The following NAV3 variants were observed in gnomAD, a reference collection of about 807,000 sequenced individuals.
NAV3 encodes pore membrane and/or filament interacting like protein 1.
In NAV3, 87 loss-of-function variants were observed where a neutral mutation model predicts 244.7. That is an observed-to-expected ratio of 0.36 (90% CI 0.30 to 0.42). NAV3 has a LOEUF of 0.42. Among genes scored for constraint, NAV3 ranks in the 20% least tolerant of loss-of-function variants. The pLI, the probability that NAV3 is intolerant of heterozygous loss-of-function variation, is 1.00. For missense variants in NAV3, 2,663 were observed against 2,893.3 expected (o/e 0.92, Z 1.83); for synonymous variants, 1,126 against 1,042.2 (o/e 1.08, Z -1.55).
chr12:77,829,902 C>T (rs111645611), upstream of NAV3, among the ~76,000 whole-genome samples: 198 of 152,218 alleles, frequency 1.3e-3, 1 homozygote, highest in African/African-American at 4.6e-3. Flanking sequence ...AAAATGGTTA[C>T]GATTTAATAA....
chr12:78,052,541 G>A (rs11108030), intron 11 of NAV3, among the ~76,000 whole-genome samples: 4,724 of 152,116 alleles, frequency 0.031, 241 homozygotes, highest in African/African-American at 0.1. Context: ...TTTAGTTTGC[G>A]CAATGCTTGG....
chr12:78,095,633 G>C (rs1954210725), intron 12 of NAV3, among the ~76,000 whole-genome samples: 1 of 152,180 alleles, frequency 6.6e-6, no homozygotes, highest in Non-Finnish European at 1.5e-5. Context: ...TACTCTACTG[G>C]GAAATGGTGA....
intron 2 of NAV3, among the ~76,000 whole-genome samples, chr12:77,816,317 G>T (rs1042602984): frequency 6.6e-6 from 1 of 152,140 alleles, no homozygotes; most frequent in Admixed American, 6.6e-5. Flanking sequence ...AGCAGAAGGT[G>T]CATTTTTAGA....
intron 2 of NAV3, among the ~76,000 whole-genome samples, chr12:77,778,436 C>T (rs1035825605): frequency 6.6e-6 from 1 of 151,316 alleles, no homozygotes; most frequent in Admixed American, 6.6e-5. Flanking sequence ...CACGGTGAAA[C>T]CCCGTCTCTA....
Position 77,940,326 on chromosome 12 carries a change from C to T in NAV3, c.251C>T (p.Thr84Ile), listed in dbSNP as rs2137467151. The T allele has an allele frequency of 6.2e-7, 1 of 1,613,178 alleles. No homozygotes were observed. Among genetic ancestry groups the T allele is most frequent in the Non-Finnish European group, 8.5e-7 (1 of 1,179,494 alleles). Residue 84 changes from threonine (T) to isoleucine (I), a missense_variant, in exon 2 of 40, where the codon ACT becomes ATT. Physicochemically the swap from Thr to Ile is moderately conservative, Grantham distance 89 (BLOSUM62 -1). Transcript: ENST00000397909. ...CTTCTCTCTGTTCAACAGATTTACA[C>T]TGACTGGGCCAACCACTACCTAGCA... Reference protein sequence around the residue: ...AKEKEDSKIYTDWANHYLAKS... With the variant: ...AKEKEDSKIYIDWANHYLAKS...
In NAV3 at chr12:77,831,149, A is replaced by AACAGAGAGAGAGAGAGAG. The variant is rs1272726094; in HGVS notation, c.-293_-276dup. On this transcript the variant is annotated 5_prime_UTR_variant, in exon 1 of 40. Coordinates refer to ENST00000397909, the MANE Select transcript of NAV3 (RefSeq NM_001024383.2). ...GTATTACTTAGATACTGAGTCACTG[A>AACAGAGAGAGAGAGAGAG]ACAGAGAGAGAGAGAGAGACAGAGA... 433 of 166,824 alleles carry AACAGAGAGAGAGAGAGAG rather than the reference A, an allele frequency of 2.6e-3. 1 individual carries two copies. Among genetic ancestry groups the AACAGAGAGAGAGAGAGAG allele is most frequent in the East Asian group, 5.3e-3 (30 of 5,714 alleles). 10.3% of individuals were successfully genotyped at this position (166,824 alleles called of 1,614,324 possible). A position where few individuals can be genotyped will look rare whatever the true frequency, so the allele number is the denominator to read the frequency against.
At chr12:77,961,375 TATTAATATAAA>T (rs1891960432) in intron 3 of NAV3, among the ~76,000 whole-genome samples, 2 of 137,632 alleles carry the variant, frequency 1.5e-5, no homozygotes, top group Non-Finnish European at 1.5e-5. Flanking sequence ...ATAATAAATA[TATTAATATAAA>T]TACATTATAT....
intron 2 of NAV3, among the ~76,000 whole-genome samples, chr12:77,576,237 T>C (rs1222710274): frequency 2.0e-5 from 3 of 152,110 alleles, no homozygotes; most frequent in Admixed American, 1.3e-4. Flanking sequence ...TTGATAGGAA[T>C]AATACTGATA....
intron 5 of NAV3, among the ~76,000 whole-genome samples, chr12:77,979,224 C>A (rs1384538133): frequency 9.5e-5 from 12 of 125,990 alleles, no homozygotes; most frequent in Admixed American, 1.6e-4. Context: ...AAATACAATA[C>A]AAAAAAAAAA....
intron 2 of NAV3, among the ~76,000 whole-genome samples, chr12:77,667,639 C>G (rs1006285077): frequency 1.3e-5 from 2 of 152,086 alleles, no homozygotes; most frequent in East Asian, 3.9e-4. Flanking sequence ...CATACCCATC[C>G]CTGCCCCAAC....
At position 77,576,279 on chromosome 12, in the gene NAV3, A is replaced by AT. The variant is rs370726175; in HGVS notation, c.72+4023dup. Among the ~76,000 whole-genome samples, 418 of 149,978 alleles carry AT rather than the reference A, an allele frequency of 2.8e-3. 4 individuals are homozygous for AT. Among genetic ancestry groups the AT allele is most frequent in the African/African-American group, 7.8e-3 (318 of 41,016 alleles). Reference sequence around the variant, plus strand: ...AAGCCTATTATTTTAGGCTCCTGTGATTTTTTTTTTGGACTGAAAATCAAG... The same window carrying AT: ...AAGCCTATTATTTTAGGCTCCTGTGATTTTTTTTTTTGGACTGAAAATCAAG... On this transcript the variant is annotated intron_variant, in intron 2 of 8. Transcript: ENST00000550042.
chr12:78,168,721 G>T (rs754649808), intron 23 of NAV3, 34 bp from the exon 24 acceptor site: 4 of 1,402,244 alleles, frequency 2.9e-6, no homozygotes, highest in African/African-American at 2.9e-5. Context: ...TTTCTTTCGG[G>T]TACTAAAGCT....
intron 17 of NAV3, 42 bp from the exon 18 acceptor site, chr12:78,128,664 C>T: frequency 6.3e-7 from 1 of 1,588,210 alleles, no homozygotes; most frequent in African/African-American, 1.3e-5. Context: ...TTGCCTTGCC[C>T]TTGTAGATGT....
intron 3 of NAV3, among the ~76,000 whole-genome samples, chr12:77,959,736 T>C (rs1891703363): frequency 6.6e-6 from 1 of 151,444 alleles, no homozygotes; most frequent in Non-Finnish European, 1.5e-5. Flanking sequence ...TCCCCACACA[T>C]CATTTCAATT....
chr12:77,953,561 C>T (rs968578528), intron 3 of NAV3, among the ~76,000 whole-genome samples: 1 of 152,094 alleles, frequency 6.6e-6, no homozygotes, highest in Admixed American at 6.6e-5. Flanking sequence ...AATCACAGAC[C>T]AACTAAACAA....
At chr12:78,025,653 G>T (rs1877930632) in intron 9 of NAV3, among the ~76,000 whole-genome samples, 1 of 151,674 alleles carries the variant, frequency 6.6e-6, no homozygotes, top group Admixed American at 6.6e-5. Context: ...TGTAGGTGGG[G>T]CCTCATGGGA....
intron 9 of NAV3, among the ~76,000 whole-genome samples, chr12:78,047,356 G>A (rs1881994923): frequency 6.6e-6 from 1 of 152,086 alleles, no homozygotes. Flanking sequence ...GCCTGGCAAC[G>A]GGTGCCTGTA....
At chr12:77,967,672 T>C (rs529690697) in intron 4 of NAV3, among the ~76,000 whole-genome samples, 68 of 152,234 alleles carry the variant, frequency 4.5e-4, no homozygotes, top group African/African-American at 1.5e-3. Context: ...TCCTTCTCTT[T>C]TCCTATTTTT....
chr12:78,120,775 T>C (rs1226154609), intron 15 of NAV3, among the ~76,000 whole-genome samples: 1 of 152,198 alleles, frequency 6.6e-6, no homozygotes, highest in African/African-American at 2.4e-5. Flanking sequence ...TGGTAGAGTG[T>C]GGTTTATAGT....
Sources: allele counts gnomAD v4.1 joint callset (sites outside exome capture counted in the v4.1 genomes callset), GRCh38; gene constraint gnomAD v4.1.1; transcripts MANE v1.5; gene names NCBI Gene and HGNC (gene_info 2026-07-23, HGNC 2026-07-21).